Variants in LRP1B observed in about 807,000 individuals in gnomAD.
The protein encoded by LRP1B is low-density lipoprotein receptor-related protein 1B.
LRP1B carries 217 observed loss-of-function variants against 556.6 expected under a neutral mutation model. That is an observed-to-expected ratio of 0.39 (90% confidence interval 0.35 to 0.44). The LOEUF (loss-of-function observed/expected upper bound fraction) is 0.44, where lower values mean the gene tolerates loss of function less well. Ranked by LOEUF, LRP1B falls within the 20% of genes least tolerant of loss-of-function variation. The pLI is 1.00. For missense variants in LRP1B, 5,053 were observed against 5,620.8 expected, an observed-to-expected ratio of 0.90 and a Z score of 3.23; for synonymous variants, 2,047 against 1,865.8, an observed-to-expected ratio of 1.10 and a Z score of -2.50.
At chr2:141,735,390 C>G (rs964006776) in intron 2 of LRP1B, among the ~76,000 whole-genome samples, 2 of 151,740 alleles carry the variant, frequency 1.3e-5, no homozygotes, top group African/African-American at 4.8e-5. Context: ...ACAAGGAAAG[C>G]CCGGGTAAGA....
intron 1 of LRP1B, among the ~76,000 whole-genome samples, chr2:142,121,669 T>C (rs1298725809): frequency 6.6e-6 from 1 of 151,576 alleles, no homozygotes; most frequent in Non-Finnish European, 1.5e-5. Flanking sequence ...TACATTATTT[T>C]TCTTTCTTTT....
At chr2:141,011,981 G>T (rs1450717502) in intron 14 of LRP1B, among the ~76,000 whole-genome samples, 1 of 151,996 alleles carries the variant, frequency 6.6e-6, no homozygotes, top group Admixed American at 6.6e-5. Context: ...ACCATAATTT[G>T]TTTGTCAGGC....
chr2:141,697,075 C>T (rs1363524593), intron 2 of LRP1B, among the ~76,000 whole-genome samples: 5 of 151,604 alleles, frequency 3.3e-5, no homozygotes, highest in African/African-American at 9.7e-5. Flanking sequence ...TTTTTGCTAG[C>T]CAGACATGTT....
At chr2:141,118,696 G>A (rs529629025) in intron 7 of LRP1B, among the ~76,000 whole-genome samples, 74 of 151,914 alleles carry the variant, frequency 4.9e-4, no homozygotes, top group Non-Finnish European at 8.3e-4. Flanking sequence ...ACATTATTTA[G>A]TTTTTAACTG....
rs151235785 is a variant in LRP1B at position 141,428,000 on chromosome 2, A to G, written c.343+52396T>C. ...TTATATTTCAGAGAAGCTATAAAAT[A>G]CCTCCCCACCAAAACAACAACAGAA... On this transcript the variant is annotated intron_variant, in intron 3 of 90. Transcript: ENST00000389484. 3.4e-3 allele frequency among the ~76,000 whole-genome samples: 514 copies of G among 152,230 alleles called. 3 individuals carry two copies. Among genetic ancestry groups the G allele is most frequent in the Middle Eastern group, 0.02 (6 of 294 alleles).
chr2:141,815,009 A>T (rs1279642547), intron 1 of LRP1B, among the ~76,000 whole-genome samples: 1 of 152,130 alleles, frequency 6.6e-6, no homozygotes, highest in Non-Finnish European at 1.5e-5. Context: ...TGATAACTGA[A>T]TCACTCATGA....
At chr2:140,411,095 C>G (rs1474611080) in intron 66 of LRP1B, among the ~76,000 whole-genome samples, 1 of 152,094 alleles carries the variant, frequency 6.6e-6, no homozygotes, top group African/African-American at 2.4e-5. Context: ...CTGGTTAATT[C>G]AGCATTAGGG....
chr2:140,595,087 A>AATATATCTATATAT lies in LRP1B; in HGVS notation c.7194+3543_7194+3544insATATATAGATATAT, dbSNP rs1204829412. Among the ~76,000 whole-genome samples the AATATATCTATATAT allele has an allele frequency of 4.3e-4, 43 of 99,676 alleles. 2 individuals are homozygous for AATATATCTATATAT. Among genetic ancestry groups the AATATATCTATATAT allele is most frequent in the African/African-American group, 7.4e-4 (22 of 29,800 alleles). The allele number at this position is 99,676 out of a possible 152,430, so 65.4% of individuals were successfully genotyped here. The stretch of plus-strand genomic sequence containing the variant: ...CTACTTAAAAATAAAATATAAATTG[A>AATATATCTATATAT]ATATATATATATATATATATATATA... On this transcript the variant is annotated intron_variant, in intron 43 of 90. Transcript: ENST00000389484.
At chr2:142,079,729 C>T (rs143330863) in intron 1 of LRP1B, among the ~76,000 whole-genome samples, 155 of 152,198 alleles carry the variant, frequency 1.0e-3, no homozygotes, top group African/African-American at 3.5e-3. Flanking sequence ...AGGCTGATCT[C>T]GAAGTCCTGA....
chr2:141,370,357 T>C (rs1689186146), intron 3 of LRP1B, among the ~76,000 whole-genome samples: 1 of 152,216 alleles, frequency 6.6e-6, no homozygotes, highest in Admixed American at 6.5e-5. Context: ...TGGTATAGGA[T>C]GATATCTCAT....
In LRP1B at chr2:141,624,989, C is replaced by T. The variant is rs565059887; in HGVS notation, c.206-144456G>A. Reference sequence around the variant, plus strand: ...TTCACTGTGTTAGCCAGGATGGTCTCGATCTCCTGACCTCGTGATCCGCCC... The same window carrying T: ...TTCACTGTGTTAGCCAGGATGGTCTTGATCTCCTGACCTCGTGATCCGCCC... On this transcript the variant is annotated intron_variant, in intron 2 of 90. Coordinates refer to ENST00000389484, the MANE Select transcript of LRP1B (RefSeq NM_018557.3). 2.6e-5 allele frequency among the ~76,000 whole-genome samples: 4 copies of T among 152,072 alleles called. No individual in the cohort carries two copies. The South Asian group carries it at 6.2e-4, about 24-fold the overall frequency.
chr2:141,101,822 CA>C (rs1400095632), intron 7 of LRP1B, among the ~76,000 whole-genome samples: 2 of 152,070 alleles, frequency 1.3e-5, no homozygotes, highest in African/African-American at 4.8e-5. Flanking sequence ...TAATTTATCC[CA>C]GATTCCCCAT....
At chr2:140,778,754 GA>G (rs1264718481) in intron 32 of LRP1B, among the ~76,000 whole-genome samples, 1 of 152,010 alleles carries the variant, frequency 6.6e-6, no homozygotes, top group Non-Finnish European at 1.5e-5. Context: ...ACAATCATCT[GA>G]AAAAGCTTTT....
At position 142,034,400 on chromosome 2, in the gene LRP1B, A is replaced by G. The variant is rs374972506; in HGVS notation, c.82+96248T>C. Among the ~76,000 whole-genome samples the G allele has an allele frequency of 8.6e-5, 13 of 151,802 alleles. No homozygotes were observed. In the East Asian group the frequency reaches 2.5e-3, roughly 30 times the overall value. On this transcript the variant is annotated intron_variant, in intron 1 of 90. Coordinates refer to ENST00000389484, the MANE Select transcript of LRP1B (RefSeq NM_018557.3). ...TAGTTGTGTACTGATCATTCCCTAA[A>G]TATGCTGTGGGAACATACATGTGTT... is the stretch of plus-strand genomic sequence containing the variant.
At chr2:141,378,248 CA>C (rs1689509439) in intron 3 of LRP1B, among the ~76,000 whole-genome samples, 1 of 152,134 alleles carries the variant, frequency 6.6e-6, no homozygotes, top group Non-Finnish European at 1.5e-5. Context: ...GGCTCATTCA[CA>C]GGAGTTAACA....
At chr2:140,305,544 G>C (rs1257007678) in intron 83 of LRP1B, among the ~76,000 whole-genome samples, 1 of 152,156 alleles carries the variant, frequency 6.6e-6, no homozygotes, top group East Asian at 1.9e-4. Flanking sequence ...AGCTTAAGGG[G>C]ATTTTGGGCT....
intron 2 of LRP1B, among the ~76,000 whole-genome samples, chr2:141,604,674 G>A (rs1339033554): frequency 6.6e-6 from 1 of 151,662 alleles, no homozygotes; most frequent in Non-Finnish European, 1.5e-5. Context: ...AGCCTTTTTT[G>A]AATATTCAAA....
chr2:142,045,732 T>C (rs956536250), intron 1 of LRP1B, among the ~76,000 whole-genome samples: 1 of 151,942 alleles, frequency 6.6e-6, no homozygotes, highest in Non-Finnish European at 1.5e-5. Flanking sequence ...AAATATGATC[T>C]AATTGTTCTC....
intron 3 of LRP1B, among the ~76,000 whole-genome samples, chr2:141,298,520 C>G (rs1049874589): frequency 7.9e-5 from 12 of 152,116 alleles, no homozygotes; most frequent in African/African-American, 2.9e-4. Context: ...TGGCAATACT[C>G]TACATACTGA....
Sources: gnomAD v4.1 joint callset for allele counts (sites outside exome capture counted in the v4.1 genomes callset) on GRCh38, gnomAD v4.1.1 for gene constraint, MANE v1.5 for transcripts, NCBI Gene and HGNC (gene_info 2026-07-23, HGNC 2026-07-21) for gene names.